The following SCLT1 variants were observed in gnomAD, a reference collection of about 807,000 sequenced individuals.
SCLT1 encodes sodium channel-associated protein 1.
A neutral mutation model predicts 112.8 loss-of-function variants in SCLT1; 78 were observed. The observed-to-expected ratio is 0.69, with a 90% CI of 0.58 to 0.83. The LOEUF (loss-of-function observed/expected upper bound fraction) is 0.83. Ranked by LOEUF, SCLT1 falls within the 40% of genes least tolerant of loss-of-function variation. The pLI is 0.00. For synonymous variants in SCLT1, 257 were observed against 254.7 expected (o/e 1.01, Z -0.09); for missense variants, 747 against 770.4 (o/e 0.97, Z 0.36).
intron 2 of SCLT1, among the ~76,000 whole-genome samples, chr4:129,053,375 T>A (rs1351468706): frequency 1.3e-5 from 2 of 152,028 alleles, no homozygotes. Flanking sequence ...AGTCTCTTTG[T>A]AAGTCTCTAA....
intron 2 of SCLT1, among the ~76,000 whole-genome samples, chr4:129,064,820 C>T (rs1448520866): frequency 6.6e-6 from 1 of 152,072 alleles, no homozygotes; most frequent in Non-Finnish European, 1.5e-5. Flanking sequence ...TGCTTTATAG[C>T]TAAATGCCAC....
At chr4:128,889,667 T>C (rs1733160173) in intron 19 of SCLT1, among the ~76,000 whole-genome samples, 1 of 152,194 alleles carries the variant, frequency 6.6e-6, no homozygotes, top group African/African-American at 2.4e-5. Flanking sequence ...CAAGTGCAAA[T>C]AATCTATCAA....
chr4:129,038,389 C>G lies in SCLT1; in HGVS notation c.290+652G>C, dbSNP rs191904890. Among the ~76,000 whole-genome samples the G allele has an allele frequency of 4.6e-5, 7 of 152,194 alleles. No individual in the cohort carries two copies. In the East Asian group the frequency reaches 1.2e-3, roughly 25 times the overall value. On this transcript the variant is annotated intron_variant, in intron 5 of 20. Transcript: ENST00000281142. ...AATCCAGCAACTTCCTTCCTTGAAA[C>G]TCTTGCACTTGTGTATGTTATTGAA...
intron 9 of SCLT1, among the ~76,000 whole-genome samples, chr4:128,986,738 T>C (rs1346025967): frequency 6.6e-6 from 1 of 152,222 alleles, no homozygotes; most frequent in Non-Finnish European, 1.5e-5. Flanking sequence ...TCTGATGGGA[T>C]GGACCCCATC....
chr4:129,082,457 A>T (rs572062650), intron 1 of SCLT1, 84 bp from the exon 2 acceptor site: 1 of 728,706 alleles, frequency 1.4e-6, no homozygotes, highest in South Asian at 2.6e-5. Context: ...TATTTGATGT[A>T]TCCCATGCAA....
rs1343981484 is a variant in SCLT1 at position 129,013,925 on chromosome 4, CAT to C, written c.291-10051_291-10050del. Reference sequence around the variant, plus strand: ...TTTTCCAAGTTGCTTCCCTTCTCCCCATGTCTTTCAGGGATGCCTATGAGTCA... The same window carrying C: ...TTTTCCAAGTTGCTTCCCTTCTCCCCGTCTTTCAGGGATGCCTATGAGTCA... On this transcript the variant is annotated intron_variant, in intron 5 of 20. Coordinates refer to ENST00000281142, the MANE Select transcript of SCLT1 (RefSeq NM_144643.4). Among the ~76,000 whole-genome samples, 16 of 152,258 alleles carry C rather than the reference CAT, an allele frequency of 1.1e-4. No individual in the cohort carries two copies. The South Asian group carries it at 1.2e-3, about 12-fold the overall frequency.
chr4:129,021,046 G>T (rs1745424803), intron 5 of SCLT1, among the ~76,000 whole-genome samples: 1 of 152,204 alleles, frequency 6.6e-6, no homozygotes, highest in Non-Finnish European at 1.5e-5. Flanking sequence ...ATTTCCAACT[G>T]AGGTACTCAG....
At chr4:128,909,229 T>C (rs1457963038) in intron 18 of SCLT1, among the ~76,000 whole-genome samples, 1 of 152,166 alleles carries the variant, frequency 6.6e-6, no homozygotes, top group Non-Finnish European at 1.5e-5. Context: ...CAACAATCCA[T>C]TATCACACTG....
chr4:129,035,930 C>A (rs73847385), intron 5 of SCLT1, among the ~76,000 whole-genome samples: 1 of 151,648 alleles, frequency 6.6e-6, no homozygotes, highest in Admixed American at 6.6e-5. Context: ...AGATAGTATA[C>A]TCTGATATGT....
chr4:128,908,180 A>C (rs1734826033), intron 18 of SCLT1, among the ~76,000 whole-genome samples: 1 of 152,196 alleles, frequency 6.6e-6, no homozygotes, highest in African/African-American at 2.4e-5. Context: ...AAGGTGCGCT[A>C]TTCATTTCAG....
intron 18 of SCLT1, among the ~76,000 whole-genome samples, chr4:128,920,895 T>C (rs1735830618): frequency 6.6e-6 from 1 of 152,170 alleles, no homozygotes; most frequent in African/African-American, 2.4e-5. Context: ...GATGATATAA[T>C]TCTAGACCTA....
chr4:128,910,503 T>A (rs1011682755), intron 18 of SCLT1, among the ~76,000 whole-genome samples: 1 of 152,214 alleles, frequency 6.6e-6, no homozygotes, highest in East Asian at 1.9e-4. Flanking sequence ...TTAACCCTTT[T>A]AAAATTTTTC....
intron 6 of SCLT1, among the ~76,000 whole-genome samples, chr4:129,002,225 T>C (rs1372179701): frequency 6.6e-6 from 1 of 151,992 alleles, no homozygotes; most frequent in African/African-American, 2.4e-5. Context: ...TTTTCTATGA[T>C]CACACACCTG....
chr4:128,999,790 T>G lies in SCLT1; in HGVS notation c.431A>C (p.Lys144Thr). 4 of 1,595,212 alleles carry G rather than the reference T, an allele frequency of 2.5e-6. No individual in the cohort carries two copies. The highest frequency in any genetic ancestry group is 3.4e-6 in the Non-Finnish European group (4 of 1,171,694). Residue 144 changes from lysine (K) to threonine (T), a missense_variant, in exon 7 of 21, where the codon AAA becomes ACA. Around this residue, in one of 2 missense-constraint regions of SCLT1, gnomAD observed 723 missense variants for 721.3 expected, o/e 1.00. Coordinates refer to ENST00000281142, the MANE Select transcript of SCLT1 (RefSeq NM_144643.4). ...CTGCCAGAGTTCCACAGCCTGAGTT[T>G]TTTCCTATTAAAAAAGTTTGATAAC... ...QEQLQLANQEKTQAVELWQTV... is the reference protein window; with the variant it reads ...QEQLQLANQETTQAVELWQTV...
At chr4:129,062,245 C>T (rs1023988681) in intron 2 of SCLT1, among the ~76,000 whole-genome samples, 4 of 152,022 alleles carry the variant, frequency 2.6e-5, no homozygotes, top group African/African-American at 9.7e-5. Context: ...TTTCTGTGCC[C>T]ACTTGGGTTT....
intron 18 of SCLT1, among the ~76,000 whole-genome samples, chr4:128,907,739 T>G (rs1030031574): frequency 4.2e-5 from 3 of 71,304 alleles, no homozygotes; most frequent in African/African-American, 2.2e-4. Context: ...TCCTAACCCA[T>G]ATTGAAAGTC....
At chr4:129,026,676 C>G (rs2126134379) in intron 5 of SCLT1, among the ~76,000 whole-genome samples, 1 of 152,188 alleles carries the variant, frequency 6.6e-6, no homozygotes, top group East Asian at 1.9e-4. Flanking sequence ...CAAAAGCTAG[C>G]AGAAGGCAAG....
At chr4:129,038,572 T>C (rs936088836) in intron 5 of SCLT1, among the ~76,000 whole-genome samples, 5 of 152,178 alleles carry the variant, frequency 3.3e-5, no homozygotes, top group Non-Finnish European at 7.3e-5. Context: ...TGTTTATCTC[T>C]GGCAGAGAGA....
chr4:128,897,614 C>T (rs1197913413), intron 18 of SCLT1, among the ~76,000 whole-genome samples: 1 of 152,118 alleles, frequency 6.6e-6, no homozygotes, highest in African/African-American at 2.4e-5. Context: ...ACTGCATCAA[C>T]TAACGAGCAA....
Sources: gnomAD v4.1 joint callset for allele counts (sites outside exome capture counted in the v4.1 genomes callset) on GRCh38, gnomAD v4.1.1 for gene constraint, gnomAD v4.1.1 regional missense constraint, MANE v1.5 for transcripts, NCBI Gene and HGNC (gene_info 2026-07-23, HGNC 2026-07-21) for gene names.